CSMD1: variants seen among roughly 807,000 people sequenced by gnomAD.
CSMD1 encodes the protein CUB and Sushi multiple domains 1, also known as CUB and sushi domain-containing protein 1.
In CSMD1, 213 loss-of-function variants were observed where a neutral mutation model predicts 417.5. That is an observed-to-expected ratio of 0.51 (90% CI 0.46 to 0.57). The LOEUF (loss-of-function observed/expected upper bound fraction) is 0.57, where lower values mean the gene tolerates loss of function less well. Ranked by LOEUF, CSMD1 falls within the 20% of genes least tolerant of loss-of-function variation. The probability of loss-of-function intolerance (pLI) is 0.00; values close to 1 mark genes in which losing one functional copy is unlikely to be tolerated. For missense variants in CSMD1, 6,923 were observed against 4,529.7 expected, an observed-to-expected ratio of 1.53 and a Z score of -15.17; for synonymous variants, 2,862 against 1,736.8, an observed-to-expected ratio of 1.65 and a Z score of -16.11.
intron 3 of CSMD1, among the ~76,000 whole-genome samples, chr8:4,112,400 C>G (rs1020447671): frequency 6.6e-6 from 1 of 152,172 alleles, no homozygotes; most frequent in Non-Finnish European, 1.5e-5. Flanking sequence ...CCTGACAAGG[C>G]TGAGCTTGCC....
intron 26 of CSMD1, among the ~76,000 whole-genome samples, chr8:3,251,180 G>T: frequency 6.6e-6 from 1 of 151,992 alleles, no homozygotes; most frequent in South Asian, 2.1e-4. Context: ...TTTCTTCTAG[G>T]GTTTTTATGG....
chr8:3,322,954 T>G (rs961261329), intron 23 of CSMD1, among the ~76,000 whole-genome samples: 1 of 152,252 alleles, frequency 6.6e-6, no homozygotes, highest in African/African-American at 2.4e-5. Context: ...TGTTTTTGTT[T>G]TCCTATGGAA....
At chr8:4,187,211 C>T (rs1203784413) in intron 3 of CSMD1, among the ~76,000 whole-genome samples, 1 of 151,982 alleles carries the variant, frequency 6.6e-6, no homozygotes, top group African/African-American at 2.4e-5. Flanking sequence ...GGATTCTGTT[C>T]AGAGAAAAAA....
At chr8:4,871,998 C>T (rs1328070874) in intron 1 of CSMD1, among the ~76,000 whole-genome samples, 1 of 152,250 alleles carries the variant, frequency 6.6e-6, no homozygotes, top group African/African-American at 2.4e-5. Flanking sequence ...TTTGCAGAAA[C>T]ACATCGTGCT....
At chr8:4,794,399 C>G (rs1188862143) in intron 1 of CSMD1, among the ~76,000 whole-genome samples, 1 of 152,230 alleles carries the variant, frequency 6.6e-6, no homozygotes, top group East Asian at 1.9e-4. Flanking sequence ...AAAATCAAGA[C>G]ACTATTACAT....
chr8:3,790,423 A>G (rs778305847), intron 5 of CSMD1, among the ~76,000 whole-genome samples: 8 of 152,222 alleles, frequency 5.3e-5, no homozygotes, highest in Non-Finnish European at 1.0e-4. Context: ...TGGTGATAAC[A>G]GTATTATAAT....
At chr8:4,872,851 G>A (rs1358889350) in intron 1 of CSMD1, among the ~76,000 whole-genome samples, 1 of 152,092 alleles carries the variant, frequency 6.6e-6, no homozygotes, top group African/African-American at 2.4e-5. Context: ...TTGAACACTT[G>A]CTGGATATTG....
intron 7 of CSMD1, among the ~76,000 whole-genome samples, chr8:3,694,401 G>A (rs1413317218): frequency 6.6e-6 from 1 of 152,272 alleles, no homozygotes; most frequent in South Asian, 2.1e-4. Context: ...CAACAGCTCT[G>A]CCTGCTGCAC....
At chr8:3,229,998 C>G in intron 27 of CSMD1, 42 bp downstream of exon 27, 1 of 1,361,946 alleles carries the variant, frequency 7.3e-7, no homozygotes, top group South Asian at 1.6e-5. Context: ...CAACATGCAT[C>G]CATTCCTGAA....
chr8:4,559,041 T>C (rs1235728470), intron 2 of CSMD1, among the ~76,000 whole-genome samples: 1 of 152,170 alleles, frequency 6.6e-6, no homozygotes, highest in Non-Finnish European at 1.5e-5. Flanking sequence ...AAGTCCCCCT[T>C]TGGAGCCCTC....
Position 3,427,952 on chromosome 8 carries a change from A to T in CSMD1, c.1562-18347T>A, listed in dbSNP as rs912097781. On this transcript the variant is annotated intron_variant, in intron 12 of 69. Coordinates refer to ENST00000635120, the MANE Select transcript of CSMD1 (RefSeq NM_033225.6). ...CGCCCTTGCAGAATCAGGAATTAAT[A>T]AGGTAAAGGAATTTTGAATTTTAGA... Among the ~76,000 whole-genome samples, 5 of 152,314 alleles carry T rather than the reference A, an allele frequency of 3.3e-5. No individual in the cohort carries two copies. In the East Asian group the frequency reaches 7.7e-4, roughly 24 times the overall value.
intron 3 of CSMD1, among the ~76,000 whole-genome samples, chr8:4,061,584 A>T (rs1798975329): frequency 6.6e-6 from 1 of 152,188 alleles, no homozygotes; most frequent in South Asian, 2.1e-4. Flanking sequence ...TATGGTAAGG[A>T]AGTTGTCTGG....
intron 30 of CSMD1, among the ~76,000 whole-genome samples, chr8:3,210,940 C>A (rs1215840784): frequency 6.6e-6 from 1 of 151,920 alleles, no homozygotes; most frequent in African/African-American, 2.4e-5. Flanking sequence ...ACACTAGACT[C>A]TATATAATTG....
chr8:3,651,150 C>T (rs2469400), intron 7 of CSMD1, among the ~76,000 whole-genome samples: 67,377 of 151,942 alleles, frequency 0.44, 15,120 homozygotes, highest in Middle Eastern at 0.5. Context: ...GCTTTCTTGC[C>T]GGTCTTTGTA....
At chr8:4,189,676 T>C (rs1798898074) in intron 3 of CSMD1, among the ~76,000 whole-genome samples, 1 of 152,144 alleles carries the variant, frequency 6.6e-6, no homozygotes. Context: ...ATGGAATGCA[T>C]TTGAACGGAA....
intron 1 of CSMD1, among the ~76,000 whole-genome samples, chr8:4,720,152 C>T (rs1011355526): frequency 1.5e-4 from 20 of 137,056 alleles, no homozygotes; most frequent in Admixed American, 4.2e-4. Flanking sequence ...CAAAGCTAGA[C>T]GTATACATAC....
At chr8:3,710,192 A>G (rs1033665217) in intron 6 of CSMD1, among the ~76,000 whole-genome samples, 12 of 152,126 alleles carry the variant, frequency 7.9e-5, no homozygotes, top group Admixed American at 2.0e-4. Context: ...ATTGTCGCAA[A>G]TTTCCAAAAA....
intron 3 of CSMD1, among the ~76,000 whole-genome samples, chr8:4,339,496 G>A (rs931091232): frequency 5.9e-5 from 9 of 152,074 alleles, no homozygotes; most frequent in Non-Finnish European, 1.2e-4. Flanking sequence ...GAGTGACAAA[G>A]AGTTTAAATT....
intron 1 of CSMD1, among the ~76,000 whole-genome samples, chr8:4,659,728 A>G (rs1247729587): frequency 4.6e-5 from 7 of 152,164 alleles, no homozygotes; most frequent in Non-Finnish European, 8.8e-5. Context: ...GGTGGTAGTT[A>G]TACAACATTG....
Sources: allele counts gnomAD v4.1 joint callset (sites outside exome capture counted in the v4.1 genomes callset), GRCh38; gene constraint gnomAD v4.1.1; transcripts MANE v1.5; gene names NCBI Gene and HGNC (gene_info 2026-07-23, HGNC 2026-07-21).